The following PPEF1 variants were observed in gnomAD, a reference collection of about 807,000 sequenced individuals.
PPEF1 encodes serine/threonine-protein phosphatase with EF-hands 1.
PPEF1 carries 12 observed loss-of-function variants against 53.3 expected under a neutral mutation model. That is an observed-to-expected ratio of 0.23 (90% CI 0.14 to 0.36). PPEF1 has a LOEUF of 0.36. Ranked by LOEUF, PPEF1 falls within the 10% of genes least tolerant of loss-of-function variation. PPEF1 has a pLI of 1.00. For synonymous variants in PPEF1, 165 were observed against 176.7 expected (o/e 0.93, Z 0.52); for missense variants, 334 against 490.4 (o/e 0.68, Z 3.01).
intron 1 of PPEF1, among the ~76,000 whole-genome samples, chrX:18,677,890 G>A (rs1365375943): frequency 9.0e-6 from 1 of 111,075 alleles, no homozygotes; most frequent in Admixed American, 9.6e-5. Context: ...GTCCCCTGGG[G>A]GACAAAATCT....
At chrX:18,731,831 G>A (rs1042844813) in intron 2 of PPEF1, among the ~76,000 whole-genome samples, 1 of 112,142 alleles carries the variant, frequency 8.9e-6, no homozygotes, top group Non-Finnish European at 1.9e-5. Flanking sequence ...ACCTATTCTG[G>A]CCATTTCATA....
At chrX:18,713,042 A>G (rs1394452556) in intron 1 of PPEF1, among the ~76,000 whole-genome samples, 1 of 111,646 alleles carries the variant, frequency 9.0e-6, no homozygotes, top group East Asian at 2.8e-4. Flanking sequence ...TTTGTAGAGG[A>G]ATCTTGCAAC....
Position 18,739,377 on chromosome X carries a change from T to A in PPEF1, c.235+5569T>A, listed in dbSNP as rs2045084637. 2.7e-5 allele frequency among the ~76,000 whole-genome samples: 3 copies of A among 112,522 alleles called. No homozygotes were observed. The South Asian group carries it at 1.1e-3, about 41-fold the overall frequency. ...CAGTCAGGACCCTCAGCTGCAGGTC[T>A]GTTGGAATTTGCTGGAGGTCCACTC... On this transcript the variant is annotated intron_variant, in intron 3 of 15. Transcript: ENST00000470157.
At chrX:18,820,026 C>T (rs2047001338) in intron 13 of PPEF1, among the ~76,000 whole-genome samples, 2 of 111,359 alleles carry the variant, frequency 1.8e-5, no homozygotes, top group African/African-American at 6.5e-5. Flanking sequence ...TCAACAGTTG[C>T]AAAATTAGAC....
intron 1 of PPEF1, among the ~76,000 whole-genome samples, chrX:18,683,316 C>T (rs1399694972): frequency 9.0e-6 from 1 of 111,092 alleles, no homozygotes; most frequent in Non-Finnish European, 1.9e-5. Context: ...ATACAGTGGG[C>T]AACATGTCTG....
intron 3 of PPEF1, among the ~76,000 whole-genome samples, chrX:18,736,237 T>C (rs1602395506): frequency 8.9e-6 from 1 of 111,779 alleles, no homozygotes; most frequent in Non-Finnish European, 1.9e-5. Flanking sequence ...CCAGTTTTTG[T>C]CCATTCAGTA....
At chrX:18,728,213 A>ATG (rs1355862005) in intron 1 of PPEF1, among the ~76,000 whole-genome samples, 1 of 110,208 alleles carries the variant, frequency 9.1e-6, no homozygotes, top group African/African-American at 3.3e-5. Context: ...CTATATATAT[A>ATG]TCTTGTATTA....
intron 6 of PPEF1, among the ~76,000 whole-genome samples, chrX:18,772,841 G>A (rs921860876): frequency 6.2e-5 from 7 of 112,240 alleles, no homozygotes; most frequent in African/African-American, 2.3e-4. Flanking sequence ...TCATTCATGT[G>A]GCTGTAGACA....
rs1569250188 is a variant in PPEF1, at chrX:18,730,233, A to C, written c.99A>C (p.Arg33=). The part of the protein sequence containing the change: ...IQNWYRGYKA[R]LKARQHYALT... ...ACTGGTACCGAGGTTACAAAGCTCG[A>C]CTGAAGGCCAGACAACACTATGCCC... The change falls in exon 2 of 16, where the codon CGA becomes CGC. Residue 33 remains arginine (R), a synonymous_variant. Coordinates refer to ENST00000470157, the MANE Select transcript of PPEF1 (RefSeq NM_001377996.1). The C allele has an allele frequency of 8.3e-7, 1 of 1,209,662 alleles. No individual in the cohort carries two copies. The highest frequency in any genetic ancestry group is 1.1e-6 in the Non-Finnish European group (1 of 893,600).
chrX:18,781,012 C>T (rs1480850322), intron 7 of PPEF1, among the ~76,000 whole-genome samples: 2 of 100,225 alleles, frequency 2.0e-5, no homozygotes, highest in Non-Finnish European at 4.0e-5. Flanking sequence ...GCTGAGATAG[C>T]GCCACTGCAC....
chrX:18,786,508 G>A (rs780653903), intron 9 of PPEF1, among the ~76,000 whole-genome samples: 177 of 111,587 alleles, frequency 1.6e-3, no homozygotes, highest in African/African-American at 5.5e-3. Flanking sequence ...GTGGCCAGGC[G>A]CAGTGGCTCA....
rs1320713421 is a variant in PPEF1 at position 18,749,336 on chromosome X, CAG to C, written c.236-455_236-454del. Among the ~76,000 whole-genome samples, 4 of 112,466 alleles carry C rather than the reference CAG, an allele frequency of 3.6e-5. No individual in the cohort carries two copies. The East Asian group carries it at 8.4e-4, about 24-fold the overall frequency. On this transcript the variant is annotated intron_variant, in intron 3 of 15. Coordinates refer to ENST00000470157, the MANE Select transcript of PPEF1 (RefSeq NM_001377996.1). ...AAATAGAATCCTCTGAAGTGTTTAACAGGGGAAAAATTGAATGTTGCAGTTAA... is the reference window on the plus strand; with the variant it reads ...AAATAGAATCCTCTGAAGTGTTTAACGGGAAAAATTGAATGTTGCAGTTAA...
chrX:18,709,084 A>C (rs952004342), intron 1 of PPEF1, among the ~76,000 whole-genome samples: 1 of 112,284 alleles, frequency 8.9e-6, no homozygotes, highest in Admixed American at 9.5e-5. Flanking sequence ...TTTTCTTTCA[A>C]ATACCTGTGA....
At chrX:18,721,400 T>G (rs746936851) in intron 1 of PPEF1, among the ~76,000 whole-genome samples, 1 of 111,980 alleles carries the variant, frequency 8.9e-6, no homozygotes. Flanking sequence ...TGTCCAGAAG[T>G]TTCTGGTTTG....
chrX:18,733,563 C>T, intron 2 of PPEF1, among the ~76,000 whole-genome samples, 185 bp from the exon 3 acceptor site: 1 of 111,658 alleles, frequency 9.0e-6, no homozygotes, highest in Non-Finnish European at 1.9e-5. Flanking sequence ...TCATGTGTTA[C>T]CCTGTGTTGC....
chrX:18,804,932 C>T (rs747331571), intron 11 of PPEF1, among the ~76,000 whole-genome samples: 7 of 111,257 alleles, frequency 6.3e-5, no homozygotes, highest in Non-Finnish European at 1.3e-4. Context: ...AGGTGAGGAC[C>T]GAGGAGCTGG....
chrX:18,769,705 A>G (rs891405696), intron 6 of PPEF1, among the ~76,000 whole-genome samples: 4 of 111,638 alleles, frequency 3.6e-5, no homozygotes, highest in Non-Finnish European at 7.5e-5. Flanking sequence ...TTTATTTTCT[A>G]TCACTGAAAT....
chrX:18,682,324 C>T (rs1001664867), upstream of PPEF1, among the ~76,000 whole-genome samples: 3 of 112,450 alleles, frequency 2.7e-5, no homozygotes, highest in African/African-American at 6.5e-5. Context: ...GGATTGAAGT[C>T]GCTGGCAGAG....
chrX:18,775,595 T>C lies in PPEF1; in HGVS notation c.559-3415T>C, dbSNP rs748645138. Among the ~76,000 whole-genome samples the C allele has an allele frequency of 9.8e-5, 11 of 112,466 alleles. No homozygotes were observed. The South Asian group carries it at 4.0e-3, about 41-fold the overall frequency. On this transcript the variant is annotated intron_variant, in intron 6 of 15. Transcript: ENST00000470157. ...GAATTAATAAGTTTTTGTTCTTTCT[T>C]GTATGTTCTTCTTATTACTTTAAAA...
Sources: allele counts gnomAD v4.1 joint callset (sites outside exome capture counted in the v4.1 genomes callset), GRCh38; gene constraint gnomAD v4.1.1; transcripts MANE v1.5; gene names NCBI Gene and HGNC (gene_info 2026-07-23, HGNC 2026-07-21).